Variants in BRWD1 observed in about 807,000 individuals in gnomAD.
BRWD1 encodes the protein bromodomain and WD repeat-containing protein 1.
BRWD1 carries 82 observed loss-of-function variants against 251.2 expected under a neutral mutation model. The observed-to-expected ratio is 0.33, with a 90% CI of 0.27 to 0.39. The LOEUF is 0.39. Among genes scored for constraint, BRWD1 ranks in the 10% least tolerant of loss-of-function variants. The pLI is 1.00. For synonymous variants in BRWD1, 918 were observed against 902.8 expected (o/e 1.02, Z -0.30); for missense variants, 2,233 against 2,711.6 (o/e 0.82, Z 3.92).
At chr21:39,223,938 T>G (rs909581904) in intron 29 of BRWD1, among the ~76,000 whole-genome samples, 1 of 152,182 alleles carries the variant, frequency 6.6e-6, no homozygotes, top group Non-Finnish European at 1.5e-5. Context: ...AACCTCTGCC[T>G]CCCGGGTTCA....
chr21:39,195,770 C>T lies in BRWD1; in HGVS notation c.*489G>A. 1 of 985,486 alleles carries T rather than the reference C, an allele frequency of 1.0e-6. No individual in the cohort carries two copies. Among genetic ancestry groups the T allele is most frequent in the South Asian group, 4.7e-5 (1 of 21,282 alleles). The allele number at this position is 985,486 out of a possible 1,614,324, so 61.0% of individuals were successfully genotyped here. A position where few individuals can be genotyped will look rare whatever the true frequency, so the allele number is the denominator to read the frequency against. ...AAAAAAAAAAGTGGTAGGTACCTCG[C>T]CTACTAATCATGGTTACACCTCCCA... On this transcript the variant is annotated 3_prime_UTR_variant, in exon 41 of 41. Transcript: ENST00000342449.
upstream of BRWD1, chr21:39,313,923 G>A: frequency 9.4e-6 from 3 of 317,896 alleles, no homozygotes; most frequent in Non-Finnish European, 6.1e-6. Flanking sequence ...GCGACGCCGG[G>A]TGGCCCAGCA....
chr21:39,318,364 A>G (rs1190568701), upstream of BRWD1, among the ~76,000 whole-genome samples: 4 of 152,192 alleles, frequency 2.6e-5, no homozygotes, highest in Non-Finnish European at 4.4e-5. Context: ...AAAACAACTC[A>G]GATACCTAAT....
chr21:39,312,868 G>T lies in BRWD1; in HGVS notation c.171C>A (p.Asn57Lys), dbSNP rs1453903539. 6.4e-7 allele frequency: 1 copy of T among 1,562,056 alleles called. No individual in the cohort carries two copies. The highest frequency in any genetic ancestry group is 1.1e-5 in the South Asian group (1 of 88,818). The change falls in exon 4 of 41, where the codon AAC becomes AAA. Residue 57 changes from asparagine to lysine, a missense_variant. Around this residue, in one of 12 missense-constraint regions of BRWD1, gnomAD observed 101 missense variants for 95.6 expected, o/e 1.06. Coordinates refer to ENST00000342449, the MANE Select transcript of BRWD1 (RefSeq NM_033656.4). ...LLPKRLDWEG[N>K]EHNRSYEELV... ...ACTCCTCGTAGCTCCTGTTGTGCTCGTTGCCCTCCCAGTCCAATCTCTTCG... is the reference window on the plus strand; with the variant it reads ...ACTCCTCGTAGCTCCTGTTGTGCTCTTTGCCCTCCCAGTCCAATCTCTTCG...
chr21:39,252,953 C>T (rs2034444124), intron 19 of BRWD1, among the ~76,000 whole-genome samples: 1 of 152,180 alleles, frequency 6.6e-6, no homozygotes, highest in Non-Finnish European at 1.5e-5. Context: ...TATGTAATAG[C>T]TACAGCTTCA....
At chr21:39,240,970 G>A (rs1360786402) in intron 21 of BRWD1, among the ~76,000 whole-genome samples, 1 of 151,422 alleles carries the variant, frequency 6.6e-6, no homozygotes, top group Non-Finnish European at 1.5e-5. Flanking sequence ...GCACTGTCTC[G>A]GCTCACTGCA....
chr21:39,210,408 C>CA (rs1406032952), intron 35 of BRWD1, among the ~76,000 whole-genome samples: 3 of 152,146 alleles, frequency 2.0e-5, no homozygotes, highest in Non-Finnish European at 4.4e-5. Context: ...ATCCTACAGT[C>CA]ACTCTGTGCT....
chr21:39,289,859 C>CTA (rs1465438092), intron 8 of BRWD1, among the ~76,000 whole-genome samples: 2 of 151,664 alleles, frequency 1.3e-5, no homozygotes, highest in Non-Finnish European at 2.9e-5. Flanking sequence ...CTCGTCTCTA[C>CTA]TAAAAAATAC....
At chr21:39,288,886 G>A (rs763686436) in intron 8 of BRWD1, among the ~76,000 whole-genome samples, 1 of 152,126 alleles carries the variant, frequency 6.6e-6, no homozygotes, top group Non-Finnish European at 1.5e-5. Context: ...GGTGACAGAG[G>A]TGGAAGAAAA....
chr21:39,312,037 C>G (rs984122313), intron 4 of BRWD1, among the ~76,000 whole-genome samples: 10 of 152,112 alleles, frequency 6.6e-5, no homozygotes, highest in African/African-American at 2.4e-4. Context: ...ATCCTAATAA[C>G]GAAACGGCAA....
At chr21:39,315,387 C>T (rs1025269437), upstream of BRWD1, among the ~76,000 whole-genome samples, 8 of 151,996 alleles carry the variant, frequency 5.3e-5, no homozygotes, top group Non-Finnish European at 1.2e-4. Context: ...TAGTCCCAAG[C>T]ACTTTGGGAG....
In BRWD1 at chr21:39,213,500, T is replaced by G; in HGVS notation, c.3839A>C (p.Glu1280Ala). The change falls in exon 33 of 41, where the codon GAG (glutamate) becomes GCG (alanine). Residue 1280 changes from glutamate to alanine, a missense_variant. Physicochemically the swap from Glu to Ala is moderately radical, Grantham distance 107. This residue lies in a region of BRWD1 where 167 missense variants were observed against 183.2 expected (regional missense o/e 0.91). Coordinates refer to ENST00000342449, the MANE Select transcript of BRWD1 (RefSeq NM_033656.4). Reference sequence around the variant, plus strand: ...TCATACCAAATCCTCAGCATTTTGCTCATCATTTTCAGATGTGTTAGAAAG... The same window carrying G: ...TCATACCAAATCCTCAGCATTTTGCGCATCATTTTCAGATGTGTTAGAAAG... Reference protein sequence around the residue: ...SELSNTSENDEQNAEDLDDSD... With the variant: ...SELSNTSENDAQNAEDLDDSD... 1 of 1,611,550 alleles carries G rather than the reference T, an allele frequency of 6.2e-7. No homozygotes were observed. The highest frequency in any genetic ancestry group is 8.5e-7 in the Non-Finnish European group (1 of 1,179,104).
Position 39,258,575 on chromosome 21 carries a change from C to T in BRWD1, c.1983G>A (p.Gln661=). The change falls in exon 18 of 41, where the codon CAG becomes CAA. Residue 661 remains glutamine (Q), a synonymous_variant. Transcript: ENST00000342449. The part of the protein sequence containing the change: ...ESSILDGMIR[Q]LQQQQDQRMG... ...TTCTCTGATCTTGCTGCTGCTGCAACTGTCTTATCATTCCATCAAGAATAC... is the reference window on the plus strand; with the variant it reads ...TTCTCTGATCTTGCTGCTGCTGCAATTGTCTTATCATTCCATCAAGAATAC... 6.2e-7 allele frequency: 1 copy of T among 1,613,574 alleles called. No individual in the cohort carries two copies. The highest frequency in any genetic ancestry group is 8.5e-7 in the Non-Finnish European group (1 of 1,179,686).
At position 39,272,926 on chromosome 21, in the gene BRWD1, T is replaced by C. The variant is rs931043337; in HGVS notation, c.1244+1448A>G. Among the ~76,000 whole-genome samples the C allele has an allele frequency of 6.6e-5, 10 of 152,294 alleles. No homozygotes were observed. In the East Asian group the frequency reaches 1.9e-3, roughly 29 times the overall value. On this transcript the variant is annotated intron_variant, in intron 13 of 40. Transcript: ENST00000342449. Reference sequence around the variant, plus strand: ...TATGCCCAGCCACAAATTAATAACTTTGAATTTACTAACAGATATGTTCCA... The same window carrying C: ...TATGCCCAGCCACAAATTAATAACTCTGAATTTACTAACAGATATGTTCCA...
In BRWD1 at chr21:39,188,313, AC is replaced by A; in HGVS notation, c.*7945del. 1.0e-6 allele frequency: 1 copy of A among 985,308 alleles called. No individual in the cohort carries two copies. Among genetic ancestry groups the A allele is most frequent in the Non-Finnish European group, 1.2e-6 (1 of 829,868 alleles). The allele number at this position is 985,308 out of a possible 1,614,324, so 61.0% of individuals were successfully genotyped here. On this transcript the variant is annotated 3_prime_UTR_variant, in exon 41 of 41. Coordinates refer to ENST00000342449, the MANE Select transcript of BRWD1 (RefSeq NM_033656.4). ...TCTTGATGGCAGTTTGTTTTGTAGG[AC>A]CCTGCCTGAAGTTTCCAGACATTTA...
chr21:39,315,458 C>A (rs2146832233), upstream of BRWD1, among the ~76,000 whole-genome samples: 1 of 151,912 alleles, frequency 6.6e-6, no homozygotes, highest in South Asian at 2.1e-4. Context: ...CATAGTGAAA[C>A]CCCCGTCTCT....
intron 27 of BRWD1, among the ~76,000 whole-genome samples, chr21:39,227,919 T>C (rs2033447262): frequency 1.3e-5 from 2 of 152,140 alleles, no homozygotes; most frequent in Admixed American, 1.3e-4. Flanking sequence ...CCCTAGCCTA[T>C]AGTCAAGGAG....
chr21:39,229,389 G>A lies in BRWD1; in HGVS notation c.3048C>T (p.Pro1016=). The A allele has an allele frequency of 6.2e-7, 1 of 1,610,488 alleles. No homozygotes were observed. The highest frequency in any genetic ancestry group is 2.2e-5 in the East Asian group (1 of 44,816). Residue 1016 remains proline, a synonymous_variant, in exon 26 of 41, where the codon CCC becomes CCT. Transcript: ENST00000342449. The part of the protein sequence containing the change: ...KIVGIRYEVG[P]PTLCCLKLAF... ...CTAGTTTTAGGCAACAGAGTGTAGG[G>A]GGCCCAACTTCATATCGTATTCCAA...
rs1450353037 is a variant in BRWD1, at chr21:39,313,311, C to T, written c.50-12G>A. The T allele has an allele frequency of 3.3e-6, 5 of 1,538,168 alleles. No individual in the cohort carries two copies. In the Admixed American group the frequency reaches 9.0e-5, roughly 28 times the overall value. ...AAGGAAGTACAGCTCTGCGGGAAGA[C>T]AAGGAGTCAGGTCAAGCCCCGGCGG... On this transcript the variant is annotated splice_polypyrimidine_tract_variant and intron_variant, in intron 1 of 40. Transcript: ENST00000342449.
Sources: allele counts gnomAD v4.1 joint callset (sites outside exome capture counted in the v4.1 genomes callset), GRCh38; gene constraint gnomAD v4.1.1; regional missense constraint gnomAD v4.1.1; transcripts MANE v1.5; gene names NCBI Gene and HGNC (gene_info 2026-07-23, HGNC 2026-07-21).